Variants in NDUFS4 observed in about 807,000 individuals in gnomAD.
The protein encoded by NDUFS4 is NADH dehydrogenase [ubiquinone] iron-sulfur protein 4, mitochondrial.
A neutral mutation model predicts 24.3 loss-of-function variants in NDUFS4; 28 were observed. That is an observed-to-expected ratio of 1.15 (90% CI 0.85 to 1.58). The LOEUF (loss-of-function observed/expected upper bound fraction) is 1.58, where lower values mean the gene tolerates loss of function less well. Ranked by LOEUF, NDUFS4 falls within the 40% of genes most tolerant of loss-of-function variation. The pLI, the probability that NDUFS4 is intolerant of heterozygous loss-of-function variation, is 0.00. For synonymous variants in NDUFS4, 93 were observed against 69.7 expected, an observed-to-expected ratio of 1.34 and a Z score of -1.67; for missense variants, 223 against 207.9, an observed-to-expected ratio of 1.07 and a Z score of -0.45.
chr5:53,635,290 C>T (rs1018224804), intron 2 of NDUFS4, among the ~76,000 whole-genome samples: 2 of 150,812 alleles, frequency 1.3e-5, no homozygotes, highest in African/African-American at 2.4e-5. Flanking sequence ...CAGGCTGAGG[C>T]GGGTGGATTG....
chr5:53,666,576 G>A (rs901514125), intron 4 of NDUFS4, among the ~76,000 whole-genome samples: 2 of 152,170 alleles, frequency 1.3e-5, no homozygotes, highest in Non-Finnish European at 2.9e-5. Flanking sequence ...CTAGCACCTA[G>A]CACCTAGCAC....
At chr5:53,673,120 C>T (rs1189912321) in intron 4 of NDUFS4, among the ~76,000 whole-genome samples, 1 of 152,104 alleles carries the variant, frequency 6.6e-6, no homozygotes, top group Non-Finnish European at 1.5e-5. Context: ...GATAATTCCC[C>T]AGGAACTTAC....
chr5:53,601,299 G>A (rs916803996), intron 1 of NDUFS4, among the ~76,000 whole-genome samples: 6 of 151,794 alleles, frequency 4.0e-5, no homozygotes, highest in Non-Finnish European at 4.4e-5. Context: ...CACCGCGCCC[G>A]GCTACACATG....
intron 4 of NDUFS4, among the ~76,000 whole-genome samples, chr5:53,671,456 A>G (rs1360900822): frequency 6.6e-6 from 1 of 152,190 alleles, no homozygotes. Context: ...GAAAATATAA[A>G]TACCCCTGAT....
chr5:53,603,449 C>T lies in NDUFS4; in HGVS notation c.99-3C>T. On this transcript the variant is annotated splice_region_variant and splice_polypyrimidine_tract_variant and intron_variant, in intron 1 of 4. Coordinates refer to ENST00000296684, the MANE Select transcript of NDUFS4 (RefSeq NM_002495.4). ...TTTTTTAACTTAAAGTCTTGCACTG[C>T]AGGTCGTTGAGGACTTCCACATGGA... 1 of 1,611,680 alleles carries T rather than the reference C, an allele frequency of 6.2e-7. No homozygotes were observed. Among genetic ancestry groups the T allele is most frequent in the Non-Finnish European group, 8.5e-7 (1 of 1,178,490 alleles).
At chr5:53,667,390 G>T (rs572229852) in intron 4 of NDUFS4, among the ~76,000 whole-genome samples, 1 of 151,234 alleles carries the variant, frequency 6.6e-6, no homozygotes, top group African/African-American at 2.4e-5. Context: ...GCTTGAACCC[G>T]GGAGGCAGAG....
intron 3 of NDUFS4, among the ~76,000 whole-genome samples, chr5:53,657,454 C>T (rs72753668): frequency 0.1 from 15,481 of 152,036 alleles, 994 homozygotes; most frequent in Non-Finnish European, 0.15. Context: ...AGAGGTACTC[C>T]CCATTTATTC....
chr5:53,669,301 A>G (rs779402607), intron 4 of NDUFS4, among the ~76,000 whole-genome samples: 5 of 152,178 alleles, frequency 3.3e-5, no homozygotes, highest in Non-Finnish European at 5.9e-5. Context: ...TATAGGCACA[A>G]ACTTACTACC....
chr5:53,579,356 C>G (rs1268414934), intron 1 of NDUFS4, among the ~76,000 whole-genome samples: 1 of 151,856 alleles, frequency 6.6e-6, no homozygotes, highest in Non-Finnish European at 1.5e-5. Context: ...TCTTGTGAAC[C>G]CACCATCCAA....
intron 1 of NDUFS4, among the ~76,000 whole-genome samples, chr5:53,572,965 T>G (rs1425859814): frequency 7.3e-5 from 7 of 95,404 alleles, no homozygotes; most frequent in Admixed American, 2.1e-4. Context: ...TTGTTTTTTT[T>G]TTTTGTTTTT....
At chr5:53,579,826 G>A (rs930924440) in intron 1 of NDUFS4, among the ~76,000 whole-genome samples, 4 of 152,182 alleles carry the variant, frequency 2.6e-5, no homozygotes, top group African/African-American at 9.7e-5. Context: ...TTATAAGAAG[G>A]ATGCAGGTGG....
chr5:53,629,067 T>G (rs1751317753), intron 2 of NDUFS4, among the ~76,000 whole-genome samples: 1 of 152,250 alleles, frequency 6.6e-6, no homozygotes, highest in South Asian at 2.1e-4. Context: ...CCAGAGATTC[T>G]GGTACGTTGT....
chr5:53,667,160 G>A (rs746370611), intron 4 of NDUFS4, among the ~76,000 whole-genome samples: 3 of 151,994 alleles, frequency 2.0e-5, no homozygotes, highest in Non-Finnish European at 4.4e-5. Flanking sequence ...CACCATTGAA[G>A]CATTACAGAA....
At chr5:53,637,585 G>C (rs1751594772) in intron 2 of NDUFS4, among the ~76,000 whole-genome samples, 1 of 152,012 alleles carries the variant, frequency 6.6e-6, no homozygotes, top group Non-Finnish European at 1.5e-5. Flanking sequence ...AGTATACTTT[G>C]CCAAATTGCT....
chr5:53,586,790 T>C (rs1056551726), intron 1 of NDUFS4, among the ~76,000 whole-genome samples: 2 of 152,118 alleles, frequency 1.3e-5, no homozygotes, highest in Non-Finnish European at 2.9e-5. Flanking sequence ...CCTAAAGTGC[T>C]GGAATTACAG....
chr5:53,662,785 A>G (rs1752385559), intron 4 of NDUFS4, among the ~76,000 whole-genome samples: 1 of 85,350 alleles, frequency 1.2e-5, no homozygotes, highest in African/African-American at 5.8e-5. Flanking sequence ...ATTTGCATAG[A>G]GGTGCTTATA....
chr5:53,571,796 A>G (rs552327520), intron 1 of NDUFS4, among the ~76,000 whole-genome samples: 42 of 152,316 alleles, frequency 2.8e-4, no homozygotes, highest in Middle Eastern at 3.4e-3. Flanking sequence ...TGTGGTTTTA[A>G]TATGCATTTC....
intron 1 of NDUFS4, among the ~76,000 whole-genome samples, chr5:53,584,567 C>T (rs929446815): frequency 4.0e-5 from 6 of 150,042 alleles, no homozygotes; most frequent in East Asian, 4.0e-4. Context: ...CTTGAACTCC[C>T]GACCTCAGGT....
chr5:53,563,614 G>A (rs1748928412), intron 1 of NDUFS4, among the ~76,000 whole-genome samples: 1 of 151,320 alleles, frequency 6.6e-6, no homozygotes, highest in Non-Finnish European at 1.5e-5. Context: ...CGATTCTCCC[G>A]CCCCAGCCTC....
Sources: gnomAD v4.1 joint callset for allele counts (sites outside exome capture counted in the v4.1 genomes callset) on GRCh38, gnomAD v4.1.1 for gene constraint, MANE v1.5 for transcripts, NCBI Gene and HGNC (gene_info 2026-07-23, HGNC 2026-07-21) for gene names.